Variants in TYW1B observed in about 807,000 individuals in gnomAD.
TYW1B encodes tRNA-yW synthesizing protein 1 homolog B, also known as S-adenosyl-L-methionine-dependent tRNA 4-demethylwyosine synthase TYW1B.
In TYW1B, 73 loss-of-function variants were observed where a neutral mutation model predicts 86.9. The ratio of observed to expected loss-of-function variants is 0.84; its 90% CI spans 0.70 to 1.02. The LOEUF (loss-of-function observed/expected upper bound fraction) is 1.02, where lower values mean the gene tolerates loss of function less well. Ranked by LOEUF, TYW1B falls within the 50% of genes least tolerant of loss-of-function variation. The pLI is 0.00. For missense variants in TYW1B, 637 were observed against 827.4 expected (o/e 0.77, Z 2.82); for synonymous variants, 248 against 292.8 (o/e 0.85, Z 1.56).
intron 13 of TYW1B, among the ~76,000 whole-genome samples, chr7:72,597,267 T>C (rs1294262060): frequency 7.7e-6 from 1 of 130,030 alleles, no homozygotes; most frequent in Non-Finnish European, 1.6e-5. Flanking sequence ...TAGATCTCAA[T>C]GACAAGAAAA....
chr7:72,813,207 CTT>C (rs1788657128), intron 3 of TYW1B, among the ~76,000 whole-genome samples: 3 of 121,918 alleles, frequency 2.5e-5, no homozygotes. Context: ...CAGAGATTTG[CTT>C]TTGTCGCCCA....
intron 13 of TYW1B, among the ~76,000 whole-genome samples, chr7:72,578,466 A>C (rs1383485893): frequency 1.3e-5 from 2 of 152,154 alleles, no homozygotes; most frequent in Non-Finnish European, 2.9e-5. Context: ...TCAAAATTCC[A>C]CCTGGTCTAC....
At chr7:72,712,987 T>A (rs1408075364) in intron 10 of TYW1B, among the ~76,000 whole-genome samples, 1 of 151,948 alleles carries the variant, frequency 6.6e-6, no homozygotes, top group Non-Finnish European at 1.5e-5. Flanking sequence ...CCTTCTCAAG[T>A]ACCAATCCCA....
rs782020340 is a variant in TYW1B, at chr7:72,807,090, G to A, written c.699C>T (p.Asp233=). The A allele has an allele frequency of 1.2e-5, 20 of 1,613,948 alleles. No homozygotes were observed. Among genetic ancestry groups the A allele is most frequent in the Admixed American group, 5.0e-5 (3 of 59,972 alleles). ...EEREEGSQEQ[D]ELHHRDTKEE... is the part of the protein sequence containing the mutation. ...CCTTGGTGTCTCTGTGATGCAATTC[G>A]TCCTGCTCTTGAGATCCTTCCTCCC... is the stretch of plus-strand genomic sequence containing the variant. Residue 233 remains aspartate (D), a synonymous_variant, in exon 5 of 14, where the codon GAC becomes GAT. Transcript: ENST00000620995.
At chr7:72,639,192 A>G (rs1299031777) in intron 11 of TYW1B, among the ~76,000 whole-genome samples, 1 of 152,100 alleles carries the variant, frequency 6.6e-6, no homozygotes. Context: ...ATGCATTAAA[A>G]TGCATTGTTA....
chr7:72,733,430 C>T (rs1195733655), intron 8 of TYW1B, among the ~76,000 whole-genome samples: 25 of 152,234 alleles, frequency 1.6e-4, no homozygotes, highest in Middle Eastern at 3.4e-3. Context: ...GAGGCCAAGG[C>T]GGGCGGATCA....
intron 7 of TYW1B, among the ~76,000 whole-genome samples, chr7:72,759,748 G>A (rs1787656362): frequency 2.6e-5 from 4 of 152,316 alleles, no homozygotes; most frequent in Non-Finnish European, 5.9e-5. Flanking sequence ...AGAGAGAGAA[G>A]TCTTTTAAAG....
chr7:72,819,453 G>A (rs1287565591), intron 2 of TYW1B, among the ~76,000 whole-genome samples: 2 of 152,080 alleles, frequency 1.3e-5, no homozygotes, highest in East Asian at 3.8e-4. Context: ...ATTTTTTTGA[G>A]AGAAGGTCTC....
chr7:72,798,797 A>C (rs1563097821), intron 6 of TYW1B, among the ~76,000 whole-genome samples: 1 of 152,032 alleles, frequency 6.6e-6, no homozygotes, highest in Non-Finnish European at 1.5e-5. Flanking sequence ...CCAGCTTTGG[A>C]GTTTTGTTAT....
At chr7:72,645,109 G>A (rs1342179869) in intron 11 of TYW1B, among the ~76,000 whole-genome samples, 31 of 152,148 alleles carry the variant, frequency 2.0e-4, no homozygotes, top group African/African-American at 7.2e-4. Context: ...TTACAGGCGT[G>A]AGCCGCCGCG....
intron 6 of TYW1B, among the ~76,000 whole-genome samples, chr7:72,783,183 G>A (rs1788075988): frequency 6.6e-6 from 1 of 152,068 alleles, no homozygotes; most frequent in Non-Finnish European, 1.5e-5. Context: ...CAGATCACTT[G>A]AGGTCAGGAG....
chr7:72,806,527 G>A (rs1304771516), intron 5 of TYW1B, among the ~76,000 whole-genome samples: 2 of 151,896 alleles, frequency 1.3e-5, no homozygotes, highest in Non-Finnish European at 2.9e-5. Flanking sequence ...GTGAGCCACC[G>A]TGCCCGGCCT....
intron 11 of TYW1B, among the ~76,000 whole-genome samples, chr7:72,671,938 AT>A (rs1315751199): frequency 6.6e-6 from 1 of 150,890 alleles, no homozygotes; most frequent in Non-Finnish European, 1.5e-5. Flanking sequence ...CTGGATAAAT[AT>A]TTTATAAAGT....
chr7:72,663,878 T>A (rs1813398083), intron 11 of TYW1B, among the ~76,000 whole-genome samples: 1 of 151,914 alleles, frequency 6.6e-6, no homozygotes. Flanking sequence ...GACACTCTGT[T>A]GAACGAGTAC....
At position 72,725,858 on chromosome 7, in the gene TYW1B, GTCTC is replaced by G. The variant is rs1403344295; in HGVS notation, c.1192+2960_1192+2963del. 4.0e-5 allele frequency among the ~76,000 whole-genome samples: 6 copies of G among 151,886 alleles called. No individual in the cohort carries two copies. In the East Asian group the frequency reaches 5.8e-4, roughly 15 times the overall value. On this transcript the variant is annotated intron_variant, in intron 9 of 13. Coordinates refer to ENST00000620995, the MANE Select transcript of TYW1B (RefSeq NM_001145440.3). ...AATGAACAAATGAATCTCAATCTCA[GTCTC>G]TCTGTCTCTCTCTCTCCCCTCACAC...
chr7:72,643,038 CTA>C (rs1318313467), intron 11 of TYW1B, among the ~76,000 whole-genome samples: 8 of 152,186 alleles, frequency 5.3e-5, no homozygotes, highest in African/African-American at 1.9e-4. Context: ...TGTAAATAAA[CTA>C]AAAGCCACTA....
chr7:72,720,837 G>A (rs1179365204), intron 9 of TYW1B, among the ~76,000 whole-genome samples: 4 of 151,976 alleles, frequency 2.6e-5, no homozygotes, highest in Non-Finnish European at 4.4e-5. Context: ...CCATGTTGGC[G>A]TGCTGCACCC....
chr7:72,759,090 C>T (rs550057621), intron 7 of TYW1B, among the ~76,000 whole-genome samples: 5 of 152,074 alleles, frequency 3.3e-5, no homozygotes, highest in Non-Finnish European at 7.3e-5. Flanking sequence ...CAGCACCGTG[C>T]GAGGCCGAGG....
chr7:72,644,112 A>C (rs537217698), intron 11 of TYW1B, among the ~76,000 whole-genome samples: 117 of 152,356 alleles, frequency 7.7e-4, no homozygotes, highest in African/African-American at 2.2e-3. Context: ...GCAATTCACC[A>C]TATTAGCAGA....
Sources: allele counts gnomAD v4.1 joint callset (sites outside exome capture counted in the v4.1 genomes callset), GRCh38; gene constraint gnomAD v4.1.1; transcripts MANE v1.5; gene names NCBI Gene and HGNC (gene_info 2026-07-23, HGNC 2026-07-21).